Variants in PRELID2 observed in about 807,000 individuals in gnomAD.
PRELID2 encodes PRELI domain containing 2.
A neutral mutation model predicts 28.4 loss-of-function variants in PRELID2; 25 were observed. That is an observed-to-expected ratio of 0.88 (90% CI 0.64 to 1.23). PRELID2 has a LOEUF of 1.23. PRELID2 is among the 50% of genes most tolerant of loss of function. The pLI is 0.00. For missense variants in PRELID2, 201 were observed against 214.4 expected (o/e 0.94, Z 0.39); for synonymous variants, 76 against 71.6 (o/e 1.06, Z -0.31).
chr5:145,534,222 AG>A (rs1186695010), intron 1 of PRELID2, among the ~76,000 whole-genome samples: 3 of 152,074 alleles, frequency 2.0e-5, no homozygotes, highest in Admixed American at 6.6e-5. Context: ...CACTCAAGAC[AG>A]GAACAGGCAA....
chr5:145,573,491 C>G (rs997880295), intron 1 of PRELID2, among the ~76,000 whole-genome samples: 2 of 152,090 alleles, frequency 1.3e-5, no homozygotes, highest in Non-Finnish European at 2.9e-5. Flanking sequence ...AATGCTCCCC[C>G]TCCCCTTTCC....
chr5:145,361,709 A>G, the PRELID2 span, among the ~76,000 whole-genome samples: 2 of 152,172 alleles, frequency 1.3e-5, no homozygotes, highest in Admixed American at 6.6e-5. Flanking sequence ...AAAACATCCC[A>G]CAAGGCTCCT....
intron 1 of PRELID2, among the ~76,000 whole-genome samples, chr5:145,576,745 A>C (rs1753064287): frequency 6.6e-6 from 1 of 152,132 alleles, no homozygotes; most frequent in South Asian, 2.1e-4. Flanking sequence ...TTCAAACAGT[A>C]GTAGTATAGT....
Position 145,654,070 on chromosome 5 carries a change from A to G in PRELID2, n.70+110861T>C, listed in dbSNP as rs891373239. Among the ~76,000 whole-genome samples, 3 of 152,330 alleles carry G rather than the reference A, an allele frequency of 2.0e-5. No individual in the cohort carries two copies. In the South Asian group the frequency reaches 6.2e-4, roughly 32 times the overall value. On this transcript the variant is annotated intron_variant and non_coding_transcript_variant, in intron 1 of 2. Coordinates refer to the PRELID2 transcript ENST00000510259. ...AATAAAAAATGATAAAGGGGATATCACCACCGATCCCACAGAAATACAAAC... is the reference window on the plus strand; with the variant it reads ...AATAAAAAATGATAAAGGGGATATCGCCACCGATCCCACAGAAATACAAAC...
intron 1 of PRELID2, among the ~76,000 whole-genome samples, chr5:145,600,434 A>AATATATATATATATATAT (rs1299956414): frequency 1.2e-4 from 14 of 120,092 alleles, no homozygotes; most frequent in African/African-American, 5.3e-4. Flanking sequence ...AAAAAAAAAA[A>AATATATATATATATATAT]ATATATATAT....
intron 1 of PRELID2, among the ~76,000 whole-genome samples, chr5:145,825,390 A>C (rs1421522344): frequency 1.3e-5 from 2 of 152,152 alleles, no homozygotes; most frequent in African/African-American, 4.8e-5. Context: ...CCCTAAAGCA[A>C]GGGAGATATT....
the PRELID2 span, among the ~76,000 whole-genome samples, chr5:145,316,729 A>G: frequency 9.2e-5 from 14 of 152,238 alleles, no homozygotes; most frequent in Admixed American, 9.2e-4. Context: ...AATATACCTA[A>G]GAAAATACCA....
At chr5:145,825,852 C>G (rs958206245) in intron 1 of PRELID2, 5 of 173,724 alleles carry the variant, frequency 2.9e-5, no homozygotes, top group Non-Finnish European at 4.6e-5. Flanking sequence ...GAGGCTCCCC[C>G]TACCTGGCAT....
At chr5:145,786,359 A>C (rs1751994798) in intron 5 of PRELID2, among the ~76,000 whole-genome samples, 1 of 152,166 alleles carries the variant, frequency 6.6e-6, no homozygotes, top group African/African-American at 2.4e-5. Context: ...AAAGGATGTC[A>C]CTTCAATTAG....
chr5:145,579,760 T>C (rs1419164295), intron 1 of PRELID2, among the ~76,000 whole-genome samples: 1 of 152,060 alleles, frequency 6.6e-6, no homozygotes, highest in Non-Finnish European at 1.5e-5. Flanking sequence ...TTTGTGATAC[T>C]TGACACTTTT....
chr5:145,379,497 G>A, the PRELID2 span, among the ~76,000 whole-genome samples: 1 of 152,140 alleles, frequency 6.6e-6, no homozygotes. Flanking sequence ...GCTTCTCTGT[G>A]CCCAGCAAGC....
In PRELID2 at chr5:145,834,379, G is replaced by A. The variant is rs1259123743; in HGVS notation, c.75+798C>T. ...CTTACCCATTATCTTCAAGTTCCTG[G>A]AATTTGTGATACAAAGAACAATGTA... On this transcript the variant is annotated intron_variant, in intron 1 of 6. Transcript: ENST00000683046. Among the ~76,000 whole-genome samples the A allele has an allele frequency of 2.0e-5, 3 of 152,078 alleles. No individual in the cohort carries two copies. The East Asian group carries it at 5.8e-4, about 29-fold the overall frequency.
intron 1 of PRELID2, among the ~76,000 whole-genome samples, chr5:145,476,656 A>G (rs1042308538): frequency 1.3e-5 from 2 of 151,972 alleles, no homozygotes; most frequent in African/African-American, 4.8e-5. Flanking sequence ...TCCATCTTAA[A>G]AAAATAAAAA....
the PRELID2 span, among the ~76,000 whole-genome samples, chr5:145,293,381 T>C: frequency 6.6e-6 from 1 of 152,198 alleles, no homozygotes; most frequent in Non-Finnish European, 1.5e-5. Flanking sequence ...CCAGGCCTAA[T>C]GTGAAGTACT....
chr5:145,491,783 T>C (rs1446061022), intron 1 of PRELID2, among the ~76,000 whole-genome samples: 1 of 152,174 alleles, frequency 6.6e-6, no homozygotes, highest in African/African-American at 2.4e-5. Flanking sequence ...TCTCATATAA[T>C]GAGATCATGT....
the PRELID2 span, among the ~76,000 whole-genome samples, chr5:145,456,891 C>G: frequency 5.3e-5 from 8 of 152,120 alleles, no homozygotes; most frequent in Non-Finnish European, 1.0e-4. Flanking sequence ...AGCTGACATT[C>G]AAAGAGAATT....
the PRELID2 span, among the ~76,000 whole-genome samples, chr5:145,424,270 C>G: frequency 4.6e-5 from 7 of 152,288 alleles, no homozygotes; most frequent in South Asian, 4.1e-4. Flanking sequence ...CCACCCAGTT[C>G]GAGCTTCCCG....
chr5:145,305,572 C>T, the PRELID2 span, among the ~76,000 whole-genome samples: 3 of 152,164 alleles, frequency 2.0e-5, no homozygotes, highest in Non-Finnish European at 4.4e-5. Context: ...AACTACTCAC[C>T]AGCATAGTCT....
the PRELID2 span, among the ~76,000 whole-genome samples, chr5:145,392,398 G>A: frequency 6.6e-6 from 1 of 152,072 alleles, no homozygotes; most frequent in Non-Finnish European, 1.5e-5. Flanking sequence ...CAGCATGAGA[G>A]TAACCACCTC....
Sources: gnomAD v4.1 joint callset for allele counts (sites outside exome capture counted in the v4.1 genomes callset) on GRCh38, gnomAD v4.1.1 for gene constraint, MANE v1.5 for transcripts, NCBI Gene and HGNC (gene_info 2026-07-23, HGNC 2026-07-21) for gene names.